ZNF883: variants seen among roughly 807,000 people sequenced by gnomAD.
ZNF883 encodes zinc finger protein 883.
chr9:113,005,699 T>G (rs1278442817), intron 2 of ZNF883, among the ~76,000 whole-genome samples: 1 of 152,206 alleles, frequency 6.6e-6, no homozygotes, highest in African/African-American at 2.4e-5. Flanking sequence ...AACCTTGTAC[T>G]TTTCCTCTCA....
intron 2 of ZNF883, among the ~76,000 whole-genome samples, chr9:113,008,488 T>G (rs1828500077): frequency 6.6e-6 from 1 of 152,184 alleles, no homozygotes; most frequent in African/African-American, 2.4e-5. Context: ...TGAACTCTTT[T>G]AACAGAAGTT....
At chr9:113,000,485 T>C (rs1315001569), upstream of ZNF883, among the ~76,000 whole-genome samples, 3 of 152,086 alleles carry the variant, frequency 2.0e-5, no homozygotes, top group African/African-American at 7.2e-5. Context: ...ATGGTCAAAC[T>C]TAGCAAGAAA....
upstream of ZNF883, among the ~76,000 whole-genome samples, chr9:113,001,723 CTATT>C (rs1033108796): frequency 2.0e-5 from 3 of 152,102 alleles, no homozygotes; most frequent in Non-Finnish European, 2.9e-5. Context: ...CCTTTGTTAT[CTATT>C]TATATGGTTC....
At chr9:112,988,278 A>G (rs909878275) in intron 1 of ZNF883, among the ~76,000 whole-genome samples, 1 of 152,000 alleles carries the variant, frequency 6.6e-6, no homozygotes, top group Non-Finnish European at 1.5e-5. Flanking sequence ...TGTATTAGCT[A>G]TTGATCCTGA....
At chr9:112,995,251 A>G (rs773647268), downstream of ZNF883, among the ~76,000 whole-genome samples, 5 of 152,144 alleles carry the variant, frequency 3.3e-5, no homozygotes, top group Non-Finnish European at 7.3e-5. Flanking sequence ...AAGCTGGGAC[A>G]CTAGTCTTCT....
upstream of ZNF883, among the ~76,000 whole-genome samples, chr9:113,000,269 G>A (rs1219834870): frequency 6.6e-6 from 1 of 152,032 alleles, no homozygotes; most frequent in Non-Finnish European, 1.5e-5. Flanking sequence ...GTATGTTTTT[G>A]GAAACCAGAG....
intron 1 of ZNF883, among the ~76,000 whole-genome samples, chr9:112,991,170 A>G (rs1465395137): frequency 1.3e-5 from 2 of 151,712 alleles, no homozygotes; most frequent in Non-Finnish European, 2.9e-5. Flanking sequence ...TCATTTTTTT[A>G]GTTGTGATGC....
chr9:112,996,518 G>A (rs1026818265), downstream of ZNF883, among the ~76,000 whole-genome samples: 35 of 151,940 alleles, frequency 2.3e-4, no homozygotes, highest in African/African-American at 6.8e-4. Flanking sequence ...ATGGCCGGGC[G>A]CGGTGGCTCA....
At chr9:113,000,046 A>G (rs1165530650), upstream of ZNF883, among the ~76,000 whole-genome samples, 1 of 152,178 alleles carries the variant, frequency 6.6e-6, no homozygotes, top group Middle Eastern at 3.2e-3. Flanking sequence ...TATGAACAAC[A>G]AAAGATATTC....
upstream of ZNF883, among the ~76,000 whole-genome samples, chr9:113,003,234 G>A (rs1587896481): frequency 6.6e-6 from 1 of 152,036 alleles, no homozygotes; most frequent in East Asian, 1.9e-4. Context: ...GAGTTCTGAT[G>A]GTTTTATAAA....
chr9:113,009,026 T>C (rs974234790), intron 2 of ZNF883, among the ~76,000 whole-genome samples: 2 of 151,966 alleles, frequency 1.3e-5, no homozygotes, highest in African/African-American at 4.8e-5. Context: ...AATAGAAAAA[T>C]CCATCTTTCA....
At chr9:112,998,404 T>G (rs775836349), upstream of ZNF883, 39 of 641,220 alleles carry the variant, frequency 6.1e-5, no homozygotes, top group Non-Finnish European at 8.9e-5. Flanking sequence ...TATTTTTCAT[T>G]CATGAGTTTC....
chr9:113,001,733 G>A (rs967417378), upstream of ZNF883, among the ~76,000 whole-genome samples: 1 of 151,984 alleles, frequency 6.6e-6, no homozygotes, highest in African/African-American at 2.4e-5. Context: ...CTATTTATAT[G>A]GTTCTTCTTA....
At chr9:112,997,620 A>G in exon 1 of ZNF883, 2 of 1,613,918 alleles carry the variant, frequency 1.2e-6, no homozygotes, top group Non-Finnish European at 8.5e-7. Flanking sequence ...GCTTTCCCAC[A>G]TTCATTACAT....
At chr9:113,000,893 G>T (rs1223710074), upstream of ZNF883, among the ~76,000 whole-genome samples, 1 of 152,070 alleles carries the variant, frequency 6.6e-6, no homozygotes, top group Non-Finnish European at 1.5e-5. Flanking sequence ...ATATCAGAAT[G>T]CACTAATTTT....
chr9:113,011,198 ATAAG>A (rs1488809367), exon 2 of ZNF883: 2 of 152,300 alleles, frequency 1.3e-5, no homozygotes, highest in African/African-American at 2.4e-5. Flanking sequence ...GCCATCTTAT[ATAAG>A]TAAGTAGAGA....
rs548839525 is a variant in ZNF883, at chr9:112,998,030, G to T, written n.230C>A. Reference sequence around the variant, plus strand: ...AATAAGATTAGTGCTCTGACTAAAAGCTTTCCCACATTCATTACATTCATA... The same window carrying T: ...AATAAGATTAGTGCTCTGACTAAAATCTTTCCCACATTCATTACATTCATA... On this transcript the variant is annotated non_coding_transcript_exon_variant, in exon 1 of 1. Transcript: ENST00000639662. The T allele has an allele frequency of 5.9e-5, 96 of 1,613,816 alleles. No individual in the cohort carries two copies. In the South Asian group the frequency reaches 1.0e-3, roughly 17 times the overall value.
chr9:112,999,627 AG>A (rs1174212143), upstream of ZNF883: 11 of 152,232 alleles, frequency 7.2e-5, no homozygotes, highest in Non-Finnish European at 1.2e-4. Flanking sequence ...ATAATTTGCT[AG>A]AATGGCTCAC....
At chr9:112,994,281 C>T (rs1165809894), downstream of ZNF883, among the ~76,000 whole-genome samples, 1 of 149,636 alleles carries the variant, frequency 6.7e-6, no homozygotes, top group African/African-American at 2.4e-5. Flanking sequence ...TGGGCCGTCA[C>T]ACCACCCTGC....
Sources: gnomAD v4.1 joint callset for allele counts (sites outside exome capture counted in the v4.1 genomes callset) on GRCh38, gnomAD v4.1.1 for gene constraint, MANE v1.5 for transcripts, NCBI Gene and HGNC (gene_info 2026-07-23, HGNC 2026-07-21) for gene names.